The following UBE2E2 variants were observed in gnomAD, a reference collection of about 807,000 sequenced individuals.
UBE2E2 encodes ubiquitin-conjugating enzyme E2 E2.
In UBE2E2, 6 loss-of-function variants were observed where a neutral mutation model predicts 24.7. The ratio of observed to expected loss-of-function variants is 0.24; its 90% CI spans 0.13 to 0.48. The LOEUF is 0.48. Among genes scored for constraint, UBE2E2 ranks in the 20% least tolerant of loss-of-function variants. The pLI, the probability that UBE2E2 is intolerant of heterozygous loss-of-function variation, is 0.99. For synonymous variants in UBE2E2, 104 were observed against 83.6 expected, an observed-to-expected ratio of 1.24 and a Z score of -1.33; for missense variants, 169 against 245.0, an observed-to-expected ratio of 0.69 and a Z score of 2.07.
chr3:23,469,451 T>C (rs1325014123), intron 3 of UBE2E2, among the ~76,000 whole-genome samples: 1 of 152,176 alleles, frequency 6.6e-6, no homozygotes, highest in Non-Finnish European at 1.5e-5. Flanking sequence ...ATGGTACTAG[T>C]AAAATATGTA....
At chr3:23,276,571 G>C (rs1269600934) in intron 3 of UBE2E2, among the ~76,000 whole-genome samples, 3 of 152,094 alleles carry the variant, frequency 2.0e-5, no homozygotes, top group African/African-American at 7.2e-5. Context: ...CTTAGAGTGA[G>C]ATCCTGATGC....
intron 3 of UBE2E2, among the ~76,000 whole-genome samples, chr3:23,266,959 G>A (rs1222114967): frequency 2.6e-5 from 4 of 152,228 alleles, no homozygotes; most frequent in Non-Finnish European, 4.4e-5. Flanking sequence ...TGACTACTGG[G>A]TACATAACGA....
chr3:23,515,327 C>CAA (rs1694706704), intron 4 of UBE2E2, among the ~76,000 whole-genome samples: 1 of 151,960 alleles, frequency 6.6e-6, no homozygotes, highest in Non-Finnish European at 1.5e-5. Context: ...TGCAGGTGTG[C>CAA]ACACACATGT....
rs76701561 is a variant in UBE2E2 at position 23,281,005 on chromosome 3, C to T, written c.227+63693C>T. On this transcript the variant is annotated intron_variant, in intron 3 of 5. Transcript: ENST00000396703. ...AGACAGTCTTCTCATTGTATCCTCA[C>T]TTGCTGGAGAAAGAAAGACCTTGTG... Among the ~76,000 whole-genome samples the T allele has an allele frequency of 7.2e-4, 109 of 152,330 alleles. 1 individual carries two copies. The highest frequency in any genetic ancestry group is 2.5e-3 in the African/African-American group (106 of 41,578).
At chr3:23,324,274 A>G (rs565924808) in intron 3 of UBE2E2, among the ~76,000 whole-genome samples, 335 of 152,264 alleles carry the variant, frequency 2.2e-3, no homozygotes, top group Middle Eastern at 0.01. Context: ...TAAAATACGA[A>G]TTAAATTTCT....
intron 3 of UBE2E2, among the ~76,000 whole-genome samples, chr3:23,283,224 T>C (rs1698528203): frequency 6.6e-6 from 1 of 152,132 alleles, no homozygotes; most frequent in African/African-American, 2.4e-5. Context: ...TTTTTTTTTT[T>C]CATGTAGAAA....
intron 3 of UBE2E2, among the ~76,000 whole-genome samples, chr3:23,308,930 G>T (rs1699305233): frequency 6.6e-6 from 1 of 152,180 alleles, no homozygotes; most frequent in African/African-American, 2.4e-5. Flanking sequence ...CAGTCCAAAG[G>T]CTGAAGAACC....
intron 3 of UBE2E2, among the ~76,000 whole-genome samples, chr3:23,308,745 A>C (rs1053918178): frequency 6.6e-6 from 1 of 152,174 alleles, no homozygotes; most frequent in Admixed American, 6.5e-5. Flanking sequence ...GATTCATGCT[A>C]TTACATAGGT....
chr3:23,530,465 GTTTAT>G (rs1575688352), intron 4 of UBE2E2, among the ~76,000 whole-genome samples: 2 of 152,168 alleles, frequency 1.3e-5, no homozygotes, highest in East Asian at 3.9e-4. Flanking sequence ...TTGATGAGTT[GTTTAT>G]TTTATCAGTA....
intron 3 of UBE2E2, among the ~76,000 whole-genome samples, chr3:23,353,388 C>A (rs999147641): frequency 2.0e-5 from 3 of 151,904 alleles, no homozygotes; most frequent in African/African-American, 4.8e-5. Context: ...CTGGCCAGGG[C>A]AGTTAGGCAG....
chr3:23,400,055 C>T (rs769062975), intron 3 of UBE2E2, among the ~76,000 whole-genome samples: 1 of 152,096 alleles, frequency 6.6e-6, no homozygotes, highest in Non-Finnish European at 1.5e-5. Flanking sequence ...TACTACTCCA[C>T]TGATAAAATG....
chr3:23,232,564 C>G (rs930596756), intron 3 of UBE2E2, among the ~76,000 whole-genome samples: 1 of 152,110 alleles, frequency 6.6e-6, no homozygotes, highest in African/African-American at 2.4e-5. Context: ...ATAATACTTG[C>G]ATCCTCAAAA....
chr3:23,276,054 G>C (rs982855979), intron 3 of UBE2E2, among the ~76,000 whole-genome samples: 1 of 152,002 alleles, frequency 6.6e-6, no homozygotes, highest in African/African-American at 2.4e-5. Context: ...GTAGAGACAA[G>C]CCTATTTAAA....
At chr3:23,313,002 T>C (rs1413173328) in intron 3 of UBE2E2, among the ~76,000 whole-genome samples, 1 of 152,182 alleles carries the variant, frequency 6.6e-6, no homozygotes, top group Non-Finnish European at 1.5e-5. Context: ...AGAATTGTTT[T>C]GTGGCCTTAC....
intron 3 of UBE2E2, among the ~76,000 whole-genome samples, chr3:23,414,464 C>T (rs1697576041): frequency 6.6e-6 from 1 of 152,162 alleles, no homozygotes; most frequent in South Asian, 2.1e-4. Flanking sequence ...ATGAAGGATC[C>T]ACCTCCACAA....
intron 3 of UBE2E2, among the ~76,000 whole-genome samples, chr3:23,235,333 A>G (rs1046100772): frequency 6.6e-6 from 1 of 152,176 alleles, no homozygotes; most frequent in East Asian, 1.9e-4. Context: ...TGTTAGGTAC[A>G]TAAGGTGTGG....
chr3:23,352,252 A>C (rs1695776958), intron 3 of UBE2E2, among the ~76,000 whole-genome samples: 1 of 152,126 alleles, frequency 6.6e-6, no homozygotes, highest in South Asian at 2.1e-4. Flanking sequence ...AGGGAAATTT[A>C]TAGCACTAAA....
chr3:23,515,153 G>GAGAGAGA (rs1329726667), intron 4 of UBE2E2, among the ~76,000 whole-genome samples: 7 of 135,886 alleles, frequency 5.2e-5, no homozygotes, highest in African/African-American at 2.0e-4. Context: ...GTGTGTGTGT[G>GAGAGAGA]TACATATATA....
rs761293140 is a variant in UBE2E2, at chr3:23,589,372, G to T, written c.509-362G>T. 6.6e-6 allele frequency among the ~76,000 whole-genome samples: 1 copy of T among 151,924 alleles called. No individual in the cohort carries two copies. Among genetic ancestry groups the T allele is most frequent in the East Asian group, 1.9e-4 (1 of 5,158 alleles). ...CAGGAGGTCAAGGCTACACTGAGCTGTGATCATGCCACTGCACTCTAGCCT... is the reference window on the plus strand; with the variant it reads ...CAGGAGGTCAAGGCTACACTGAGCTTTGATCATGCCACTGCACTCTAGCCT... On this transcript the variant is annotated intron_variant, in intron 5 of 5. Transcript: ENST00000396703. This position sits in a 1 kb window ranked among gnomAD's most constrained non-coding sequence, Gnocchi z 4.1.
Sources: allele counts gnomAD v4.1 joint callset (sites outside exome capture counted in the v4.1 genomes callset), GRCh38; gene constraint gnomAD v4.1.1; non-coding constraint Gnocchi (gnomAD v3.1); transcripts MANE v1.5; gene names NCBI Gene and HGNC (gene_info 2026-07-23, HGNC 2026-07-21).